Variants in CBLB observed in about 807,000 individuals in gnomAD.
The protein encoded by CBLB is Cbl proto-oncogene B, also known as E3 ubiquitin-protein ligase CBL-B.
Under a neutral mutation model 104.9 loss-of-function variants are expected in CBLB, and 31 were observed. The ratio of observed to expected loss-of-function variants is 0.30; its 90% CI spans 0.22 to 0.40. The LOEUF (loss-of-function observed/expected upper bound fraction) is 0.40, where lower values mean the gene tolerates loss of function less well. CBLB is among the 10% of genes least tolerant of loss of function. CBLB has a pLI of 1.00. For missense variants in CBLB, 1,062 were observed against 1,214.6 expected (o/e 0.87, Z 1.87); for synonymous variants, 440 against 422.6 (o/e 1.04, Z -0.51).
intron 10 of CBLB, among the ~76,000 whole-genome samples, chr3:105,707,843 T>C (rs1189968214): frequency 6.6e-6 from 1 of 151,556 alleles, no homozygotes; most frequent in Non-Finnish European, 1.5e-5. Flanking sequence ...GTCTGCTCTT[T>C]TTTATCCTTC....
intron 4 of CBLB, among the ~76,000 whole-genome samples, chr3:105,760,668 CAT>C (rs1347866999): frequency 6.6e-6 from 1 of 151,360 alleles, no homozygotes; most frequent in Non-Finnish European, 1.5e-5. Context: ...AGTCTCTCAA[CAT>C]GAGCCAATTA....
intron 9 of CBLB, among the ~76,000 whole-genome samples, chr3:105,722,197 C>T (rs1304792795): frequency 4.2e-3 from 35 of 8,308 alleles, no homozygotes; most frequent in Non-Finnish European, 1.7e-3. Context: ...AGACCCCGTG[C>T]CAAAAAAAAA....
intron 3 of CBLB, among the ~76,000 whole-genome samples, chr3:105,803,775 A>T (rs1275057554): frequency 6.6e-6 from 1 of 152,198 alleles, no homozygotes; most frequent in Non-Finnish European, 1.5e-5. Context: ...ATGAACTTAA[A>T]TTTGTTATAC....
rs543500177 is a variant in CBLB, at chr3:105,689,863, G to GA, written c.2054+3630dup. Among the ~76,000 whole-genome samples the GA allele has an allele frequency of 5.3e-5, 8 of 151,624 alleles. No homozygotes were observed. The East Asian group carries it at 5.8e-4, about 11-fold the overall frequency. ...AAAGATGTTAAGCAGAAACCATTTA[G>GA]AAAAAAACATTAATTTAGAAAAATT... is the stretch of plus-strand genomic sequence containing the variant. On this transcript the variant is annotated intron_variant, in intron 13 of 18. Coordinates refer to ENST00000394030, the MANE Select transcript of CBLB (RefSeq NM_170662.5).
intron 3 of CBLB, among the ~76,000 whole-genome samples, chr3:105,798,681 G>A (rs1019505901): frequency 6.6e-6 from 1 of 152,178 alleles, no homozygotes; most frequent in Admixed American, 6.5e-5. Context: ...TAAATATTGA[G>A]ACTGGGGGTA....
At chr3:105,705,816 A>C (rs1325717254) in intron 10 of CBLB, among the ~76,000 whole-genome samples, 1 of 152,162 alleles carries the variant, frequency 6.6e-6, no homozygotes, top group African/African-American at 2.4e-5. Flanking sequence ...TTGGAAATTT[A>C]TGCGTCCTTT....
chr3:105,814,718 A>G (rs1265091957), intron 3 of CBLB, among the ~76,000 whole-genome samples: 2 of 152,064 alleles, frequency 1.3e-5, no homozygotes, highest in Non-Finnish European at 2.9e-5. Context: ...GACCGTCCTC[A>G]TTACCAATTT....
At chr3:105,754,376 G>A (rs1354149371) in intron 4 of CBLB, among the ~76,000 whole-genome samples, 1 of 151,974 alleles carries the variant, frequency 6.6e-6, no homozygotes, top group East Asian at 1.9e-4. Context: ...GACAGTGGTG[G>A]TTTCTACTAC....
intron 9 of CBLB, among the ~76,000 whole-genome samples, chr3:105,728,696 A>G (rs1438324956): frequency 6.6e-6 from 1 of 152,186 alleles, no homozygotes; most frequent in East Asian, 1.9e-4. Flanking sequence ...GTATTACTTC[A>G]AAGAATGTCT....
intron 4 of CBLB, among the ~76,000 whole-genome samples, chr3:105,764,382 T>A (rs1011752116): frequency 1.3e-5 from 2 of 152,228 alleles, no homozygotes; most frequent in Admixed American, 1.3e-4. Flanking sequence ...ATTGCTGTCA[T>A]ATCACAATTC....
intron 9 of CBLB, among the ~76,000 whole-genome samples, chr3:105,729,123 C>T (rs1173439521): frequency 6.6e-6 from 1 of 152,070 alleles, no homozygotes; most frequent in African/African-American, 2.4e-5. Flanking sequence ...CCTTTAAAAT[C>T]ATGTTCATAT....
At position 105,743,482 on chromosome 3, in the gene CBLB, A is replaced by T. The variant is rs556506349; in HGVS notation, c.845+2435T>A. ...CTCAAAAAAAAAAAAAAATTAAAAA[A>T]AAATATATATATGCATATAAAATGA... On this transcript the variant is annotated intron_variant, in intron 6 of 18. Transcript: ENST00000394030. Among the ~76,000 whole-genome samples the T allele has an allele frequency of 5.5e-4, 83 of 151,238 alleles. 1 individual carries two copies. The highest frequency in any genetic ancestry group is 1.6e-3 in the Admixed American group (24 of 15,180).
intron 4 of CBLB, among the ~76,000 whole-genome samples, chr3:105,754,523 CAGAGAGAGAGAGAGAGAG>C (rs1207514486): frequency 3.9e-5 from 4 of 102,758 alleles, no homozygotes; most frequent in Non-Finnish European, 7.5e-5. Context: ...GAGAGAGAGA[CAGAGAGAGAGAGAGAGAG>C]AGAGAGAGAG....
rs987296562 is a variant in CBLB at position 105,868,764 on chromosome 3, C to T, written c.-43G>A. ...TCGGCGCCGTAGCTGTCCAGAGACA[C>T]GCGTGTGCGCGGGTCCCACTCCACA... On this transcript the variant is annotated 5_prime_UTR_variant, in exon 1 of 19. In the 5' UTR this introduces an upstream ATG that the reference lacks. Coordinates refer to ENST00000394030, the MANE Select transcript of CBLB (RefSeq NM_170662.5). 5.1e-6 allele frequency: 5 copies of T among 988,890 alleles called. No individual in the cohort carries two copies. The highest frequency in any genetic ancestry group is 4.8e-6 in the Non-Finnish European group (4 of 832,026). The allele number at this position is 988,890 out of a possible 1,614,324, so 61.3% of individuals were successfully genotyped here.
intron 3 of CBLB, among the ~76,000 whole-genome samples, chr3:105,853,172 G>A (rs2091178649): frequency 6.6e-6 from 1 of 152,148 alleles, no homozygotes; most frequent in Non-Finnish European, 1.5e-5. Flanking sequence ...ATACAGCCTA[G>A]GTGTGCGGTA....
At chr3:105,849,877 A>G (rs1170608296) in intron 3 of CBLB, among the ~76,000 whole-genome samples, 1 of 152,160 alleles carries the variant, frequency 6.6e-6, no homozygotes, top group Non-Finnish European at 1.5e-5. Context: ...TTATTAGGTC[A>G]ATGGCAGAAA....
chr3:105,695,151 G>GA (rs1191154030), intron 12 of CBLB, among the ~76,000 whole-genome samples: 4 of 151,726 alleles, frequency 2.6e-5, no homozygotes, highest in Non-Finnish European at 5.9e-5. Flanking sequence ...ACTCATTTGG[G>GA]AAAATGTAAT....
chr3:105,866,925 C>T (rs1442045392), intron 2 of CBLB, among the ~76,000 whole-genome samples: 3 of 152,182 alleles, frequency 2.0e-5, no homozygotes, highest in Admixed American at 6.5e-5. Flanking sequence ...GATGAATTCT[C>T]AAAGATGAAA....
intron 3 of CBLB, among the ~76,000 whole-genome samples, chr3:105,849,303 C>G (rs1379278272): frequency 6.6e-6 from 1 of 152,062 alleles, no homozygotes; most frequent in Non-Finnish European, 1.5e-5. Flanking sequence ...CAGCTGGCCA[C>G]AGAACATTGT....
Sources: gnomAD v4.1 joint callset for allele counts (sites outside exome capture counted in the v4.1 genomes callset) on GRCh38, gnomAD v4.1.1 for gene constraint, MANE v1.5 for transcripts, NCBI Gene and HGNC (gene_info 2026-07-23, HGNC 2026-07-21) for gene names.